The following SGCZ variants were observed in gnomAD, a reference collection of about 807,000 sequenced individuals.
SGCZ encodes the protein sarcoglycan zeta, also known as zeta-sarcoglycan.
A neutral mutation model predicts 41.3 loss-of-function variants in SGCZ; 40 were observed. The ratio of observed to expected loss-of-function variants is 0.97; its 90% CI spans 0.75 to 1.26. The LOEUF is 1.26. Among genes scored for constraint, SGCZ ranks in the 50% most tolerant of loss-of-function variants. The pLI is 0.00. For missense variants in SGCZ, 552 were observed against 369.8 expected, an observed-to-expected ratio of 1.49 and a Z score of -4.04; for synonymous variants, 206 against 137.5, an observed-to-expected ratio of 1.50 and a Z score of -3.49.
chr8:14,350,603 T>A (rs973175540), intron 2 of SGCZ, among the ~76,000 whole-genome samples: 35 of 152,024 alleles, frequency 2.3e-4, no homozygotes, highest in African/African-American at 7.7e-4. Context: ...TCTGGCCCTG[T>A]CGCCTCTAGA....
chr8:14,571,978 A>T (rs995613368), intron 1 of SGCZ, among the ~76,000 whole-genome samples: 18 of 152,218 alleles, frequency 1.2e-4, no homozygotes, highest in Non-Finnish European at 4.4e-5. Flanking sequence ...AGAAATAATA[A>T]CAATTATCTG....
chr8:14,410,826 T>C (rs1799340318), intron 2 of SGCZ, among the ~76,000 whole-genome samples: 1 of 152,112 alleles, frequency 6.6e-6, no homozygotes, highest in African/African-American at 2.4e-5. Flanking sequence ...AGAGTGTAAT[T>C]AAGCTTTCAT....
intron 1 of SGCZ, among the ~76,000 whole-genome samples, chr8:14,723,703 T>C (rs1053631241): frequency 3.3e-5 from 5 of 152,108 alleles, no homozygotes; most frequent in South Asian, 2.1e-4. Flanking sequence ...TATGCATATA[T>C]ATGCATACAT....
At chr8:15,091,895 A>G (rs1245095733) in intron 1 of SGCZ, among the ~76,000 whole-genome samples, 1 of 152,020 alleles carries the variant, frequency 6.6e-6, no homozygotes, top group Non-Finnish European at 1.5e-5. Flanking sequence ...TGGGACTACA[A>G]GCTCACACCA....
At chr8:15,002,212 A>T (rs79526388) in intron 1 of SGCZ, among the ~76,000 whole-genome samples, 8,193 of 151,830 alleles carry the variant, frequency 0.054, 462 homozygotes, top group East Asian at 0.15. Context: ...TAAAAAAAAA[A>T]AGCCATCAAT....
At chr8:14,107,557 C>G (rs1377182059) in intron 6 of SGCZ, among the ~76,000 whole-genome samples, 1 of 152,158 alleles carries the variant, frequency 6.6e-6, no homozygotes, top group Non-Finnish European at 1.5e-5. Context: ...GCCCTATTTG[C>G]CCTGTCTTTA....
rs573461793 is a variant in SGCZ at position 15,054,108 on chromosome 8, C to G, written c.39+183477G>C. Among the ~76,000 whole-genome samples the G allele has an allele frequency of 9.2e-5, 14 of 152,260 alleles. No individual in the cohort carries two copies. In the South Asian group the frequency reaches 2.9e-3, roughly 32 times the overall value. On this transcript the variant is annotated intron_variant, in intron 1 of 7. Coordinates refer to ENST00000382080, the MANE Select transcript of SGCZ (RefSeq NM_139167.4). Reference sequence around the variant, plus strand: ...AATAACTAGGCAAAATGACATTGCCCATACATTCTCCAGATATTGATAAGA... The same window carrying G: ...AATAACTAGGCAAAATGACATTGCCGATACATTCTCCAGATATTGATAAGA...
chr8:15,194,291 G>C (rs901595262), intron 1 of SGCZ, among the ~76,000 whole-genome samples: 2 of 151,450 alleles, frequency 1.3e-5, no homozygotes, highest in Non-Finnish European at 2.9e-5. Flanking sequence ...AAAACATTCT[G>C]TAAAAGGTTG....
intron 1 of SGCZ, among the ~76,000 whole-genome samples, chr8:15,118,387 G>A (rs1013824076): frequency 6.6e-6 from 1 of 152,116 alleles, no homozygotes; most frequent in East Asian, 1.9e-4. Flanking sequence ...GTGACTCCCA[G>A]ACAGTAAAAG....
chr8:15,113,493 T>C (rs1807150801), intron 1 of SGCZ, among the ~76,000 whole-genome samples: 1 of 152,114 alleles, frequency 6.6e-6, no homozygotes, highest in Non-Finnish European at 1.5e-5. Context: ...TTCCTCTCAA[T>C]AACTAACTCA....
At chr8:14,315,837 G>T (rs1393914537) in intron 3 of SGCZ, among the ~76,000 whole-genome samples, 20 of 149,212 alleles carry the variant, frequency 1.3e-4, no homozygotes, top group Non-Finnish European at 7.4e-5. Flanking sequence ...CTGGTTCTAA[G>T]TAAAATAAAA....
chr8:14,413,239 A>C (rs2117282638), intron 2 of SGCZ, among the ~76,000 whole-genome samples: 1 of 152,144 alleles, frequency 6.6e-6, no homozygotes, highest in African/African-American at 2.4e-5. Flanking sequence ...TCTCTTAGGT[A>C]ATGTTGTAAT....
At chr8:14,824,923 T>C (rs1487458081) in intron 1 of SGCZ, among the ~76,000 whole-genome samples, 1 of 152,132 alleles carries the variant, frequency 6.6e-6, no homozygotes, top group Non-Finnish European at 1.5e-5. Flanking sequence ...GTCAACATTC[T>C]AAATTTCTTC....
At chr8:14,249,150 G>A (rs76168530) in intron 3 of SGCZ, among the ~76,000 whole-genome samples, 2,427 of 152,254 alleles carry the variant, frequency 0.016, 30 homozygotes, top group Middle Eastern at 0.031. Context: ...TTCCTCCCCA[G>A]TGTAGTTGGA....
At chr8:14,331,341 C>G (rs545197060) in intron 2 of SGCZ, among the ~76,000 whole-genome samples, 1 of 152,076 alleles carries the variant, frequency 6.6e-6, no homozygotes. Context: ...AGGAGGTTCT[C>G]TTTAATATAC....
At chr8:14,937,006 T>C (rs1455250109) in intron 1 of SGCZ, among the ~76,000 whole-genome samples, 1 of 151,672 alleles carries the variant, frequency 6.6e-6, no homozygotes, top group African/African-American at 2.4e-5. Context: ...AACAATAACA[T>C]TAACCAAAGA....
chr8:14,665,382 C>CGTGCCACAT (rs1342222834), intron 1 of SGCZ, among the ~76,000 whole-genome samples: 1 of 152,074 alleles, frequency 6.6e-6, no homozygotes, highest in Non-Finnish European at 1.5e-5. Flanking sequence ...ATGGTGTATA[C>CGTGCCACAT]GTGCCACATC....
intron 5 of SGCZ, among the ~76,000 whole-genome samples, chr8:14,163,047 A>C (rs755821300): frequency 1.3e-5 from 2 of 151,950 alleles, no homozygotes; most frequent in Non-Finnish European, 2.9e-5. Flanking sequence ...ATTTTCAAAA[A>C]TTTTGGTAGA....
intron 2 of SGCZ, among the ~76,000 whole-genome samples, chr8:14,493,526 C>T (rs904095310): frequency 6.6e-6 from 1 of 151,264 alleles, no homozygotes; most frequent in Non-Finnish European, 1.5e-5. Context: ...CACTACCACA[C>T]CCAGCTAATT....
Sources: gnomAD v4.1 joint callset for allele counts (sites outside exome capture counted in the v4.1 genomes callset) on GRCh38, gnomAD v4.1.1 for gene constraint, MANE v1.5 for transcripts, NCBI Gene and HGNC (gene_info 2026-07-23, HGNC 2026-07-21) for gene names.